Variants in HERC2 observed in about 807,000 individuals in gnomAD.
HERC2 encodes the protein E3 ubiquitin-protein ligase HERC2.
In HERC2, 102 loss-of-function variants were observed where a neutral mutation model predicts 537.7. The ratio of observed to expected loss-of-function variants is 0.19; its 90% CI spans 0.16 to 0.22. The LOEUF is 0.22. Among genes scored for constraint, HERC2 ranks in the 10% least tolerant of loss-of-function variants. The pLI, the probability that HERC2 is intolerant of heterozygous loss-of-function variation, is 1.00. For synonymous variants in HERC2, 2,224 were observed against 2,466.2 expected (o/e 0.90, Z 2.91); for missense variants, 4,236 against 6,198.2 (o/e 0.68, Z 10.63).
At chr15:28,304,372 T>C (rs940927690) in intron 2 of HERC2, among the ~76,000 whole-genome samples, 15 of 151,138 alleles carry the variant, frequency 9.9e-5, no homozygotes, top group African/African-American at 2.7e-4. Flanking sequence ...TCTTCTTTTT[T>C]TTTTTTTTTT....
At chr15:28,292,012 G>A (rs2076328612) in intron 4 of HERC2, among the ~76,000 whole-genome samples, 1 of 151,004 alleles carries the variant, frequency 6.6e-6, no homozygotes, top group Admixed American at 6.6e-5. Context: ...TGGATCACCT[G>A]AGGTCAGGAG....
At position 28,235,151 on chromosome 15, in the gene HERC2, C is replaced by CT. The variant is rs1416649893; in HGVS notation, c.4004-868dup. Among the ~76,000 whole-genome samples the CT allele has an allele frequency of 2.0e-5, 3 of 152,002 alleles. No individual in the cohort carries two copies. In the East Asian group the frequency reaches 5.8e-4, roughly 29 times the overall value. On this transcript the variant is annotated intron_variant, in intron 26 of 92. Transcript: ENST00000261609. The stretch of plus-strand genomic sequence containing the variant: ...GCGGGATGCACTTAGTGTTCTTTTA[C>CT]TGGACATTTAGATTTTAGAGCACTC...
At chr15:28,123,638 A>G (rs962535394) in intron 85 of HERC2, among the ~76,000 whole-genome samples, 2 of 152,180 alleles carry the variant, frequency 1.3e-5, no homozygotes, top group Admixed American at 1.3e-4. Context: ...TCTGCTGGAC[A>G]TCCTGAGAGA....
intron 83 of HERC2, among the ~76,000 whole-genome samples, chr15:28,126,278 G>A (rs1313926787): frequency 6.6e-6 from 1 of 152,172 alleles, no homozygotes; most frequent in Non-Finnish European, 1.5e-5. Flanking sequence ...GTGAAAACGC[G>A]TTGTGATGGA....
intron 4 of HERC2, among the ~76,000 whole-genome samples, chr15:28,288,850 A>AG (rs2076234185): frequency 7.5e-6 from 1 of 133,258 alleles, no homozygotes; most frequent in Admixed American, 7.5e-5. Flanking sequence ...CTCCATCTCA[A>AG]AAAAAAAAAA....
At chr15:28,317,244 C>T (rs1289231247) in intron 2 of HERC2, among the ~76,000 whole-genome samples, 5 of 152,186 alleles carry the variant, frequency 3.3e-5, no homozygotes, top group Admixed American at 6.5e-5. Flanking sequence ...GCGCACACTA[C>T]CACGCCTGAC....
chr15:28,287,730 T>G (rs940495785), intron 4 of HERC2, among the ~76,000 whole-genome samples: 4 of 142,558 alleles, frequency 2.8e-5, no homozygotes, highest in African/African-American at 1.1e-4. Context: ...TTTTTTTTTT[T>G]TTTTTTTTGG....
At chr15:28,318,476 AAATT>A (rs1470458710) in intron 2 of HERC2, among the ~76,000 whole-genome samples, 1 of 152,130 alleles carries the variant, frequency 6.6e-6, no homozygotes, top group Non-Finnish European at 1.5e-5. Context: ...AAAGTACACA[AAATT>A]AGCCAGGCGT....
At chr15:28,238,345 C>T in intron 24 of HERC2, 128 bp from the exon 25 acceptor site, 1 of 822,086 alleles carries the variant, frequency 1.2e-6, no homozygotes. Flanking sequence ...GTATAATGAC[C>T]TTCTACTGTC....
In HERC2 at chr15:28,265,500, C is replaced by T; in HGVS notation, c.1870+118G>A. The T allele has an allele frequency of 2.6e-6, 2 of 775,760 alleles. No individual in the cohort carries two copies. The highest frequency in any genetic ancestry group is 4.4e-5 in the Admixed American group (2 of 45,020). 48.1% of individuals were successfully genotyped at this position (775,760 alleles called of 1,614,324 possible). ...TCCCCAATGCCACTGAGCCCCACAC[C>T]CACTGGGCGACAGGGTGGGTGGCCT... On this transcript the variant is annotated intron_variant, in intron 14 of 92. Transcript: ENST00000261609. The surrounding 1 kb of genome is among the most constrained non-coding windows in gnomAD (Gnocchi z 4.0).
chr15:28,274,193 A>G, intron 7 of HERC2, 98 bp downstream of exon 7: 2 of 1,292,074 alleles, frequency 1.5e-6, no homozygotes, highest in Non-Finnish European at 2.1e-6. Flanking sequence ...TGAAAAACCA[A>G]CCTACTAGGC....
intron 3 of HERC2, among the ~76,000 whole-genome samples, chr15:28,294,453 T>C: frequency 6.7e-6 from 1 of 149,614 alleles, no homozygotes. Flanking sequence ...CAGAAGAATT[T>C]CTCGTGTGGC....
chr15:28,179,390 G>T (rs1895611507), intron 57 of HERC2, among the ~76,000 whole-genome samples, 167 bp from the exon 58 acceptor site: 1 of 152,218 alleles, frequency 6.6e-6, no homozygotes, highest in South Asian at 2.1e-4. Flanking sequence ...AGATTATAAT[G>T]GAGCTGAAAA....
chr15:28,301,686 CTT>C (rs1286945410), intron 2 of HERC2, among the ~76,000 whole-genome samples: 3 of 86,992 alleles, frequency 3.4e-5, no homozygotes, highest in Admixed American at 1.4e-4. Flanking sequence ...GTTTGCCCAT[CTT>C]TTTTTTTTTT....
intron 74 of HERC2, 41 bp from the exon 75 acceptor site, chr15:28,142,993 G>A: frequency 6.3e-7 from 1 of 1,598,680 alleles, no homozygotes; most frequent in Non-Finnish European, 8.5e-7. Flanking sequence ...AGGAATCCAG[G>A]TGCCGGGGAG....
At chr15:28,219,639 C>A (rs1198376840) in intron 37 of HERC2, among the ~76,000 whole-genome samples, 1 of 152,150 alleles carries the variant, frequency 6.6e-6, no homozygotes, top group African/African-American at 2.4e-5. Flanking sequence ...CCAGACGGTG[C>A]GCTATGGCAT....
chr15:28,308,023 G>A (rs550077823), intron 2 of HERC2, among the ~76,000 whole-genome samples: 8 of 151,568 alleles, frequency 5.3e-5, no homozygotes, highest in East Asian at 3.9e-4. Flanking sequence ...TGAGAGCTTC[G>A]GCTATTCTGG....
intron 4 of HERC2, among the ~76,000 whole-genome samples, chr15:28,290,901 A>G (rs1487336179): frequency 6.6e-6 from 1 of 152,222 alleles, no homozygotes; most frequent in East Asian, 1.9e-4. Context: ...CTTTGCCTTA[A>G]GAAACTAGGA....
chr15:28,295,556 G>A (rs1283579042), intron 3 of HERC2, among the ~76,000 whole-genome samples: 3 of 152,020 alleles, frequency 2.0e-5, no homozygotes, highest in Non-Finnish European at 4.4e-5. Flanking sequence ...GCATCACCAT[G>A]CCCAGCTAAT....
Sources: allele counts gnomAD v4.1 joint callset (sites outside exome capture counted in the v4.1 genomes callset), GRCh38; gene constraint gnomAD v4.1.1; non-coding constraint Gnocchi (gnomAD v3.1); transcripts MANE v1.5; gene names NCBI Gene and HGNC (gene_info 2026-07-23, HGNC 2026-07-21).